The following PTN variants were observed in gnomAD, a reference collection of about 807,000 sequenced individuals.
The protein encoded by PTN is pleiotrophin, also known as heparin affin regulatory protein.
PTN carries 18 observed loss-of-function variants against 24.1 expected under a neutral mutation model. The ratio of observed to expected loss-of-function variants is 0.75; its 90% confidence interval spans 0.52 to 1.11. The LOEUF is 1.11. Among genes scored for constraint, PTN ranks in the 50% least tolerant of loss-of-function variants. The probability of loss-of-function intolerance (pLI) is 0.00; values close to 1 mark genes in which losing one functional copy is unlikely to be tolerated. For synonymous variants in PTN, 78 were observed against 68.6 expected (o/e 1.14, Z -0.67); for missense variants, 163 against 198.8 (o/e 0.82, Z 1.08).
intron 1 of PTN, among the ~76,000 whole-genome samples, chr7:137,276,222 T>C (rs994466256): frequency 4.6e-5 from 7 of 152,200 alleles, no homozygotes; most frequent in African/African-American, 1.7e-4. Context: ...AATTTGTTAA[T>C]TGATCTGTTA....
At chr7:137,254,057 T>C (rs2128871369) in intron 2 of PTN, among the ~76,000 whole-genome samples, 1 of 152,236 alleles carries the variant, frequency 6.6e-6, no homozygotes, top group Non-Finnish European at 1.5e-5. Flanking sequence ...CCCAGCACTT[T>C]GGGAGGTCGA....
chr7:137,268,172 C>T (rs1430518595), intron 1 of PTN, among the ~76,000 whole-genome samples: 1 of 152,158 alleles, frequency 6.6e-6, no homozygotes, highest in Middle Eastern at 3.4e-3. Context: ...CTGCCACACA[C>T]GGCTCTGGCG....
At chr7:137,234,133 A>G (rs1286834410) in intron 4 of PTN, among the ~76,000 whole-genome samples, 1 of 151,866 alleles carries the variant, frequency 6.6e-6, no homozygotes, top group South Asian at 2.1e-4. Context: ...TAAAAATTCA[A>G]TTGTATCTAT....
intron 1 of PTN, among the ~76,000 whole-genome samples, chr7:137,296,851 C>G (rs895138523): frequency 6.6e-6 from 1 of 152,012 alleles, no homozygotes; most frequent in Non-Finnish European, 1.5e-5. Context: ...ACCAAACCCC[C>G]CAAATCGAAG....
At chr7:137,316,628 C>A (rs564692492) in intron 1 of PTN, among the ~76,000 whole-genome samples, 2 of 152,104 alleles carry the variant, frequency 1.3e-5, no homozygotes, top group Non-Finnish European at 1.5e-5. Context: ...GAGGATCGAG[C>A]CGTCCCAAAA....
chr7:137,337,829 G>T (rs564859212), intron 1 of PTN, among the ~76,000 whole-genome samples: 3 of 152,304 alleles, frequency 2.0e-5, no homozygotes, highest in Non-Finnish European at 4.4e-5. Flanking sequence ...AAGGCAAGGG[G>T]ATTAGGCATA....
chr7:137,339,475 C>A (rs529790715), intron 1 of PTN, among the ~76,000 whole-genome samples: 1 of 148,836 alleles, frequency 6.7e-6, no homozygotes, highest in Non-Finnish European at 1.5e-5. Flanking sequence ...ACTCCAGCTG[C>A]GCCTCTACAT....
intron 1 of PTN, among the ~76,000 whole-genome samples, chr7:137,267,215 T>C (rs1400863832): frequency 6.6e-6 from 1 of 152,146 alleles, no homozygotes; most frequent in Admixed American, 6.5e-5. Context: ...TCTCTTCCTC[T>C]CTTTCTGCCT....
At chr7:137,258,051 A>G (rs921062089) in intron 1 of PTN, among the ~76,000 whole-genome samples, 1 of 152,134 alleles carries the variant, frequency 6.6e-6, no homozygotes, top group Admixed American at 6.6e-5. Context: ...TAACCTCAGC[A>G]TTTCTAGTTT....
intron 1 of PTN, among the ~76,000 whole-genome samples, chr7:137,278,934 C>A (rs1206038162): frequency 8.3e-6 from 1 of 119,766 alleles, no homozygotes; most frequent in Non-Finnish European, 1.8e-5. Flanking sequence ...AAGTGAGACT[C>A]CATCTCAGAA....
intron 1 of PTN, among the ~76,000 whole-genome samples, chr7:137,266,539 AT>A (rs74183662): frequency 2.6e-5 from 4 of 151,386 alleles, no homozygotes; most frequent in African/African-American, 4.8e-5. Flanking sequence ...TATTACAAAC[AT>A]TTTTTTTTAA....
chr7:137,339,130 T>C (rs997421576), intron 1 of PTN, among the ~76,000 whole-genome samples: 5 of 152,154 alleles, frequency 3.3e-5, no homozygotes, highest in African/African-American at 1.2e-4. Flanking sequence ...GAGATAATCA[T>C]AAAATGTTGG....
In PTN at chr7:137,328,663, T is replaced by C. The variant is rs557382050; in HGVS notation, c.-2+14776A>G. 2.6e-5 allele frequency among the ~76,000 whole-genome samples: 4 copies of C among 152,164 alleles called. No homozygotes were observed. In the South Asian group the frequency reaches 6.2e-4, roughly 24 times the overall value. On this transcript the variant is annotated intron_variant, in intron 1 of 4. Coordinates refer to ENST00000348225, the MANE Select transcript of PTN (RefSeq NM_002825.7). ...GGTGATGGCAGGCTGGAGAAACAGA[T>C]TGAGCAGCTCCTAGACACCCTCCTG...
chr7:137,249,558 T>A (rs1808785576), intron 4 of PTN, among the ~76,000 whole-genome samples: 1 of 152,200 alleles, frequency 6.6e-6, no homozygotes, highest in African/African-American at 2.4e-5. Context: ...TTTCTTTTCC[T>A]TTCAATTCTG....
chr7:137,330,773 G>C (rs1207386329), intron 1 of PTN, among the ~76,000 whole-genome samples: 1 of 152,142 alleles, frequency 6.6e-6, no homozygotes, highest in East Asian at 1.9e-4. Flanking sequence ...AAGAGGACCA[G>C]GTTTGCTCCA....
intron 1 of PTN, among the ~76,000 whole-genome samples, chr7:137,336,185 T>C (rs1810445836): frequency 7.2e-5 from 11 of 152,104 alleles, no homozygotes; most frequent in Admixed American, 7.2e-4. Flanking sequence ...ACCATTGACA[T>C]TTACCACCAA....
At chr7:137,267,941 C>A (rs1809187199) in intron 1 of PTN, among the ~76,000 whole-genome samples, 1 of 147,830 alleles carries the variant, frequency 6.8e-6, no homozygotes, top group Non-Finnish European at 1.5e-5. Context: ...TAGGCAAGTT[C>A]CCAAGATCAA....
intron 4 of PTN, among the ~76,000 whole-genome samples, chr7:137,237,038 T>C (rs932274164): frequency 6.6e-6 from 1 of 152,182 alleles, no homozygotes; most frequent in East Asian, 1.9e-4. Context: ...GATATAGATA[T>C]AGTTAAATAG....
intron 1 of PTN, among the ~76,000 whole-genome samples, chr7:137,271,598 G>C (rs895855324): frequency 1.3e-5 from 2 of 152,242 alleles, no homozygotes; most frequent in African/African-American, 4.8e-5. Flanking sequence ...GGAGCCAAAT[G>C]AGTTCAAAGA....
Sources: gnomAD v4.1 joint callset for allele counts (sites outside exome capture counted in the v4.1 genomes callset) on GRCh38, gnomAD v4.1.1 for gene constraint, MANE v1.5 for transcripts, NCBI Gene and HGNC (gene_info 2026-07-23, HGNC 2026-07-21) for gene names.